The following WDR86 variants were observed in gnomAD, a reference collection of about 807,000 sequenced individuals.
The protein encoded by WDR86 is WD repeat domain 86.
In WDR86, 30 loss-of-function variants were observed where a neutral mutation model predicts 36.5. The ratio of observed to expected loss-of-function variants is 0.82; its 90% confidence interval spans 0.61 to 1.11. WDR86 has a LOEUF of 1.11. WDR86 is among the 50% of genes most tolerant of loss of function. WDR86 has a pLI of 0.00. For missense variants in WDR86, 545 were observed against 561.2 expected (o/e 0.97, Z 0.29); for synonymous variants, 255 against 252.9 (o/e 1.01, Z -0.08).
intron 1 of WDR86, among the ~76,000 whole-genome samples, chr7:151,403,492 T>G (rs1800480694): frequency 6.6e-6 from 1 of 152,150 alleles, no homozygotes; most frequent in Non-Finnish European, 1.5e-5. Flanking sequence ...CATCCACCCC[T>G]TCCCCCGACC....
downstream of WDR86, chr7:151,376,825 C>T: frequency 6.4e-7 from 1 of 1,565,698 alleles, no homozygotes; most frequent in Non-Finnish European, 8.7e-7. Context: ...GGTCTGAGGT[C>T]TTTGAGGGCC....
rs1023938570 is a variant in WDR86 at position 151,405,429 on chromosome 7, T to C, written c.163+3998A>G. ...CCTTGCTGTTCCGAGCCACGGCCAC[T>C]GTGGTTCCCTTATGCTCCACCTGCA... is the stretch of plus-strand genomic sequence containing the variant. On this transcript the variant is annotated intron_variant, in intron 1 of 5. Transcript: ENST00000334493. The surrounding 1 kb of genome is among the most constrained non-coding windows in gnomAD (Gnocchi z 4.7). Among the ~76,000 whole-genome samples, 2 of 152,200 alleles carry C rather than the reference T, an allele frequency of 1.3e-5. No individual in the cohort carries two copies. The highest frequency in any genetic ancestry group is 2.9e-5 in the Non-Finnish European group (2 of 68,040).
chr7:151,399,353 T>C (rs1447371374), intron 2 of WDR86, among the ~76,000 whole-genome samples: 3 of 151,864 alleles, frequency 2.0e-5, no homozygotes, highest in Non-Finnish European at 2.9e-5. Flanking sequence ...GTGGGGTTCA[T>C]CCTGTCTGGT....
chr7:151,393,479 C>T (rs952208721), intron 3 of WDR86, among the ~76,000 whole-genome samples: 1 of 152,144 alleles, frequency 6.6e-6, no homozygotes, highest in South Asian at 2.1e-4. Flanking sequence ...ACAGCTGTCA[C>T]CTGGGAGGGC....
At chr7:151,374,468 G>A (rs1458506454), downstream of WDR86, 2 of 620,142 alleles carry the variant, frequency 3.2e-6, no homozygotes, top group South Asian at 3.8e-5. Flanking sequence ...CCAAAACGTG[G>A]TGCCTGTCCA....
At chr7:151,377,052 T>C (rs1258258293), downstream of WDR86, 7 of 1,552,504 alleles carry the variant, frequency 4.5e-6, no homozygotes, top group Non-Finnish European at 6.1e-6. Flanking sequence ...TGTAGGAACC[T>C]CTAGTGCCTC....
intron 2 of WDR86, among the ~76,000 whole-genome samples, chr7:151,398,510 A>ATG (rs556811057): frequency 0.016 from 2,419 of 149,244 alleles, 117 homozygotes; most frequent in African/African-American, 0.057. Context: ...GCACGTGTGT[A>ATG]TGTGTAAGTT....
downstream of WDR86, among the ~76,000 whole-genome samples, chr7:151,372,626 G>A (rs953106667): frequency 1.8e-4 from 27 of 152,350 alleles, no homozygotes; most frequent in Non-Finnish European, 5.9e-5. Context: ...TTGGGGTGGT[G>A]TGGCAGGATA....
intron 3 of WDR86, among the ~76,000 whole-genome samples, chr7:151,393,235 G>A (rs1799565881): frequency 6.6e-6 from 1 of 152,182 alleles, no homozygotes; most frequent in Admixed American, 6.5e-5. Flanking sequence ...GTGCCTGTGG[G>A]GTGTGCGTTC....
downstream of WDR86, among the ~76,000 whole-genome samples, chr7:151,380,434 G>A (rs1267571912): frequency 6.6e-6 from 1 of 152,080 alleles, no homozygotes; most frequent in African/African-American, 2.4e-5. Context: ...TGCTCCACTT[G>A]AAGGGGCTGC....
chr7:151,381,863 G>T lies in WDR86; in HGVS notation c.966+15C>A. The T allele has an allele frequency of 1.2e-6, 2 of 1,601,146 alleles. No homozygotes were observed. Among genetic ancestry groups the T allele is most frequent in the Non-Finnish European group, 1.7e-6 (2 of 1,174,472 alleles). ...TCCCACGGGCGGCGGCCCCGAGAAG[G>T]GCAGAGGGACCTACCTGGATGCAGT... On this transcript the variant is annotated intron_variant, in intron 5 of 5. Coordinates refer to ENST00000334493, the MANE Select transcript of WDR86 (RefSeq NM_198285.3). This position sits in a 1 kb window ranked among gnomAD's most constrained non-coding sequence, Gnocchi z 4.8.
chr7:151,375,752 C>A, downstream of WDR86: 1 of 796,700 alleles, frequency 1.3e-6, no homozygotes. Context: ...CAGCAGAGGA[C>A]GGCGGGGTCT....
intron 1 of WDR86, among the ~76,000 whole-genome samples, chr7:151,402,070 A>AAAAAAAAAAAATAT: frequency 4.0e-5 from 2 of 50,558 alleles, no homozygotes; most frequent in African/African-American, 2.4e-4. Context: ...AAAAAAAAAA[A>AAAAAAAAAAAATAT]ATATATATAT....
Position 151,397,788 on chromosome 7 carries a change from A to ATAGCGGGAGGAAGAGGGTG in WDR86, c.306-1593_306-1592insCACCCTCTTCCTCCCGCTA, listed in dbSNP as rs1563059569. ...AAGAGGGCGTAGCAGGAGGAAGGGCATAGCGGGAGGAAGGGCATAGCGGGA... is the reference window on the plus strand; with the variant it reads ...AAGAGGGCGTAGCAGGAGGAAGGGCATAGCGGGAGGAAGAGGGTGTAGCGGGAGGAAGGGCATAGCGGGA... On this transcript the variant is annotated intron_variant, in intron 2 of 5. Transcript: ENST00000334493. Among the ~76,000 whole-genome samples, 181 of 59,230 alleles carry ATAGCGGGAGGAAGAGGGTG rather than the reference A, an allele frequency of 3.1e-3. 4 individuals are homozygous for ATAGCGGGAGGAAGAGGGTG. The highest frequency in any genetic ancestry group is 8.3e-3 in the African/African-American group (156 of 18,874). The allele number at this position is 59,230 out of a possible 152,430, so 38.9% of individuals were successfully genotyped here.
downstream of WDR86, chr7:151,374,456 C>A: frequency 1.6e-6 from 1 of 643,490 alleles, no homozygotes; most frequent in African/African-American, 1.8e-5. Context: ...CCAGGCCTGG[C>A]TCCAAAACGT....
intron 1 of WDR86, among the ~76,000 whole-genome samples, chr7:151,407,759 T>C (rs540743528): frequency 1.3e-5 from 2 of 152,270 alleles, no homozygotes; most frequent in Admixed American, 6.5e-5. Flanking sequence ...GAGAATCGCT[T>C]GAACCCGGGA....
At position 151,390,147 on chromosome 7, in the gene WDR86, A is replaced by C. The variant is rs1003622975; in HGVS notation, c.727-4924T>G. ...GTGCCACGAACCAAGGGACAGTCAG[A>C]GCTCGGGGAGACGGAGCACTCGCAG... On this transcript the variant is annotated intron_variant, in intron 3 of 5. Coordinates refer to ENST00000334493, the MANE Select transcript of WDR86 (RefSeq NM_198285.3). The surrounding 1 kb of genome is among the most constrained non-coding windows in gnomAD (Gnocchi z 4.5). Among the ~76,000 whole-genome samples the C allele has an allele frequency of 3.9e-5, 6 of 152,190 alleles. No homozygotes were observed. The highest frequency in any genetic ancestry group is 1.2e-4 in the African/African-American group (5 of 41,458).
chr7:151,376,979 T>C (rs1798321090), downstream of WDR86: 1 of 1,438,484 alleles, frequency 7.0e-7, no homozygotes, highest in Non-Finnish European at 9.3e-7. Context: ...TGAGGTTGAC[T>C]GTGGTCGTGC....
Position 151,381,983 on chromosome 7 carries a change from T to TGCGGACACACAGCGC in WDR86, c.863-17_863-3dup. ...AAGCGTCCCCGCTGCCCGTGAACACTGCGGACACACAGCGCGCGCTGGGCC... is the reference window on the plus strand; with the variant it reads ...AAGCGTCCCCGCTGCCCGTGAACACTGCGGACACACAGCGCGCGGACACACAGCGCGCGCTGGGCC... On this transcript the variant is annotated splice_polypyrimidine_tract_variant and splice_region_variant and intron_variant, in intron 4 of 5. Coordinates refer to ENST00000334493, the MANE Select transcript of WDR86 (RefSeq NM_198285.3). The surrounding 1 kb of genome is among the most constrained non-coding windows in gnomAD (Gnocchi z 4.8). 3 of 1,598,502 alleles carry TGCGGACACACAGCGC rather than the reference T, an allele frequency of 1.9e-6. No homozygotes were observed. Among genetic ancestry groups the TGCGGACACACAGCGC allele is most frequent in the Non-Finnish European group, 2.6e-6 (3 of 1,173,440 alleles).
Sources: allele counts gnomAD v4.1 joint callset (sites outside exome capture counted in the v4.1 genomes callset), GRCh38; gene constraint gnomAD v4.1.1; non-coding constraint Gnocchi (gnomAD v3.1); transcripts MANE v1.5; gene names NCBI Gene and HGNC (gene_info 2026-07-23, HGNC 2026-07-21).